Variants in ERCC8 observed in about 807,000 individuals in gnomAD.
The protein encoded by ERCC8 is DNA excision repair protein ERCC-8.
Under a neutral mutation model 54.9 loss-of-function variants are expected in ERCC8, and 52 were observed. The observed-to-expected ratio is 0.95, with a 90% CI of 0.76 to 1.19. The LOEUF (loss-of-function observed/expected upper bound fraction) is 1.19, where lower values mean the gene tolerates loss of function less well. ERCC8 is among the 50% of genes most tolerant of loss of function. ERCC8 has a pLI of 0.00. For missense variants in ERCC8, 514 were observed against 466.1 expected (o/e 1.10, Z -0.95); for synonymous variants, 146 against 157.2 (o/e 0.93, Z 0.53).
Position 60,872,968 on chromosome 5 carries a change from G to A in ERCC8, c.*1647C>T, listed in dbSNP as rs748264667. Among the ~76,000 whole-genome samples the A allele has an allele frequency of 4.9e-4, 74 of 152,260 alleles. No individual in the cohort carries two copies. Among genetic ancestry groups the A allele is most frequent in the Admixed American group, 1.0e-3 (16 of 15,292 alleles). ...AAAATGTAGTACATATACACAAACAGCTGATCTCATAGAAGTAGAGAGTAG... is the reference window on the plus strand; with the variant it reads ...AAAATGTAGTACATATACACAAACAACTGATCTCATAGAAGTAGAGAGTAG... On this transcript the variant is annotated 3_prime_UTR_variant, in exon 12 of 12. Coordinates refer to ENST00000676185, the MANE Select transcript of ERCC8 (RefSeq NM_000082.4).
In ERCC8 at chr5:60,883,456, T is replaced by C. The variant is rs1383848827; in HGVS notation, c.1122+3984A>G. ...GTCTGTGCTTGAACATATTCATCTATATCTCACCAGGTTGTCAATTCTACT... is the reference window on the plus strand; with the variant it reads ...GTCTGTGCTTGAACATATTCATCTACATCTCACCAGGTTGTCAATTCTACT... On this transcript the variant is annotated intron_variant, in intron 11 of 11. Coordinates refer to ENST00000676185, the MANE Select transcript of ERCC8 (RefSeq NM_000082.4). 3.9e-5 allele frequency among the ~76,000 whole-genome samples: 6 copies of C among 152,300 alleles called. No individual in the cohort carries two copies. In the South Asian group the frequency reaches 1.0e-3, roughly 26 times the overall value.
intron 4 of ERCC8, among the ~76,000 whole-genome samples, chr5:60,908,579 ATATATTT>A (rs1561506152): frequency 1.1e-5 from 1 of 91,742 alleles, no homozygotes; most frequent in African/African-American, 3.5e-5. Context: ...ATATATATAT[ATATATTT>A]TTTTTTTAAA....
At chr5:60,915,389 T>C (rs1561509236) in intron 4 of ERCC8, 1 of 152,178 alleles carries the variant, frequency 6.6e-6, no homozygotes, top group East Asian at 1.9e-4. Flanking sequence ...GAAGATCATA[T>C]CAATTCAAAC....
rs373221993 is a variant in ERCC8, at chr5:60,901,334, G to A, written c.617+1108C>T. On this transcript the variant is annotated intron_variant, in intron 7 of 11. Coordinates refer to ENST00000676185, the MANE Select transcript of ERCC8 (RefSeq NM_000082.4). ...TACTTTCCTGTAGACACCGAAAATT[G>A]TTAAGTCTCTTTCATTTAATGTTTT... Among the ~76,000 whole-genome samples the A allele has an allele frequency of 5.9e-5, 9 of 151,934 alleles. No homozygotes were observed. The South Asian group carries it at 1.9e-3, about 32-fold the overall frequency.
chr5:60,921,730 C>A (rs1242748913), intron 3 of ERCC8, among the ~76,000 whole-genome samples: 5 of 151,794 alleles, frequency 3.3e-5, no homozygotes, highest in Non-Finnish European at 4.4e-5. Context: ...GAATCTTACA[C>A]TAAGTGGTAC....
intron 4 of ERCC8, among the ~76,000 whole-genome samples, chr5:60,910,791 C>T (rs894268008): frequency 2.6e-5 from 4 of 151,950 alleles, no homozygotes; most frequent in African/African-American, 9.7e-5. Context: ...GAATTTTCTA[C>T]GTTCATAATC....
At chr5:60,917,493 G>C (rs1303554245) in intron 4 of ERCC8, 2 of 152,038 alleles carry the variant, frequency 1.3e-5, no homozygotes, top group South Asian at 2.1e-4. Context: ...GATTAATTCT[G>C]GGGTAGAACT....
chr5:60,944,055 C>T (rs775772552), intron 1 of ERCC8, among the ~76,000 whole-genome samples: 6 of 152,160 alleles, frequency 3.9e-5, no homozygotes, highest in Admixed American at 6.5e-5. Context: ...AAAAGTACAA[C>T]TTGCTTCTTC....
intron 11 of ERCC8, among the ~76,000 whole-genome samples, chr5:60,882,477 C>T (rs1748265550): frequency 6.6e-6 from 1 of 152,168 alleles, no homozygotes. Flanking sequence ...TCTCTGCAAC[C>T]TCTGCCCCCC....
chr5:60,921,996 A>G, intron 3 of ERCC8, 58 bp downstream of exon 3: 3 of 1,214,012 alleles, frequency 2.5e-6, no homozygotes, highest in Non-Finnish European at 3.6e-6. Context: ...TTTGCATTCG[A>G]TGCAAAAAAT....
chr5:60,927,753 C>T (rs1749793103), intron 2 of ERCC8, among the ~76,000 whole-genome samples: 1 of 152,034 alleles, frequency 6.6e-6, no homozygotes, highest in Non-Finnish European at 1.5e-5. Context: ...CCCCAGCTGT[C>T]CTTGAATAGA....
chr5:60,900,880 A>C (rs560008807), intron 7 of ERCC8: 8 of 151,958 alleles, frequency 5.3e-5, no homozygotes, highest in Non-Finnish European at 1.0e-4. Flanking sequence ...TGTAAAATCC[A>C]CCCAAGCATA....
chr5:60,930,164 T>A (rs1275263806), intron 1 of ERCC8, among the ~76,000 whole-genome samples: 1 of 152,208 alleles, frequency 6.6e-6, no homozygotes, highest in African/African-American at 2.4e-5. Flanking sequence ...GCGCAGTGGC[T>A]CATGCCTGTA....
chr5:60,886,571 G>A (rs4647136), intron 11 of ERCC8, among the ~76,000 whole-genome samples: 1,845 of 151,898 alleles, frequency 0.012, 15 homozygotes, highest in South Asian at 0.027. Flanking sequence ...GCGTGGTGGC[G>A]GGTACCTGTA....
rs921344174 is a variant in ERCC8, at chr5:60,910,997, C to T, written c.400-6124G>A. Among the ~76,000 whole-genome samples, 3 of 152,052 alleles carry T rather than the reference C, an allele frequency of 2.0e-5. No individual in the cohort carries two copies. The South Asian group carries it at 6.2e-4, about 32-fold the overall frequency. ...CTTTAGTTTTTTAAAAAAATAGATA[C>T]TTTGTATCAAATTAAGGAATTTCTC... On this transcript the variant is annotated intron_variant, in intron 4 of 11. Transcript: ENST00000676185.
intron 1 of ERCC8, among the ~76,000 whole-genome samples, chr5:60,940,411 C>G (rs1750223284): frequency 6.6e-6 from 1 of 152,188 alleles, no homozygotes; most frequent in Admixed American, 6.5e-5. Context: ...TCTCTTCTCA[C>G]TTCTGAGCCC....
rs1747898598 is a variant in ERCC8, at chr5:60,873,121, A to T, written c.*1494T>A. Among the ~76,000 whole-genome samples, 1 of 152,242 alleles carries T rather than the reference A, an allele frequency of 6.6e-6. No individual in the cohort carries two copies. The highest frequency in any genetic ancestry group is 1.5e-5 in the Non-Finnish European group (1 of 68,048). On this transcript the variant is annotated 3_prime_UTR_variant, in exon 12 of 12. Coordinates refer to ENST00000676185, the MANE Select transcript of ERCC8 (RefSeq NM_000082.4). The stretch of plus-strand genomic sequence containing the variant: ...CATAGTAACTATAGTTACAATTACA[A>T]GATTACTATTAATTTTGAAAAATAA...
At chr5:60,893,288 A>C (rs1748621776) in intron 9 of ERCC8, 4 of 992,290 alleles carry the variant, frequency 4.0e-6, no homozygotes, top group Non-Finnish European at 6.5e-6. Flanking sequence ...TTCCTGCAAA[A>C]CTTCTTCCTT....
At chr5:60,893,056 C>T (rs1748613171) in intron 9 of ERCC8, 1 of 780,148 alleles carries the variant, frequency 1.3e-6, no homozygotes. Flanking sequence ...CACTTCACAA[C>T]CTCCTTGGGG....
Sources: allele counts gnomAD v4.1 joint callset (sites outside exome capture counted in the v4.1 genomes callset), GRCh38; gene constraint gnomAD v4.1.1; transcripts MANE v1.5; gene names NCBI Gene and HGNC (gene_info 2026-07-23, HGNC 2026-07-21).